Variants in BOLA3 observed in about 807,000 individuals in gnomAD.
The protein encoded by BOLA3 is bolA family member 3.
In BOLA3, 8 loss-of-function variants were observed where a neutral mutation model predicts 14.5. The observed-to-expected ratio is 0.55, with a 90% CI of 0.32 to 0.99. The LOEUF (loss-of-function observed/expected upper bound fraction) is 0.99. Ranked by LOEUF, BOLA3 falls within the 50% of genes least tolerant of loss-of-function variation. BOLA3 has a pLI of 0.04. For missense variants in BOLA3, 115 were observed against 138.2 expected (o/e 0.83, Z 0.84); for synonymous variants, 42 against 45.7 (o/e 0.92, Z 0.33).
intron 3 of BOLA3, among the ~76,000 whole-genome samples, chr2:74,141,070 G>T (rs1723292): frequency 0.37 from 55,793 of 151,726 alleles, 10,616 homozygotes; most frequent in Middle Eastern, 0.46. Context: ...AGTGCCACGG[G>T]TTGGGGATCA....
intron 2 of BOLA3, among the ~76,000 whole-genome samples, chr2:74,142,822 C>T (rs777625160): frequency 9.2e-5 from 14 of 152,176 alleles, no homozygotes; most frequent in Non-Finnish European, 1.5e-5. Context: ...AAGGAAAGAA[C>T]CAGGGGAGCA....
At chr2:74,136,123 T>C (rs956083339) in intron 3 of BOLA3, among the ~76,000 whole-genome samples, 3 of 152,058 alleles carry the variant, frequency 2.0e-5, no homozygotes, top group African/African-American at 7.2e-5. Context: ...CTAATTTTTT[T>C]ATTTTTTGTA....
At chr2:74,137,782 C>T (rs1024900066) in intron 3 of BOLA3, among the ~76,000 whole-genome samples, 2 of 152,182 alleles carry the variant, frequency 1.3e-5, no homozygotes, top group Admixed American at 6.5e-5. Context: ...TGCACACCCT[C>T]CAGCTCCACA....
intron 3 of BOLA3, among the ~76,000 whole-genome samples, chr2:74,136,464 AT>A (rs895701966): frequency 1.3e-5 from 2 of 152,048 alleles, no homozygotes; most frequent in African/African-American, 4.8e-5. Context: ...TTTTTTTGAA[AT>A]TTTTTTTAAA....
intron 1 of BOLA3, chr2:74,147,396 T>C (rs1692564852): frequency 4.0e-6 from 1 of 248,662 alleles, no homozygotes; most frequent in Non-Finnish European, 7.8e-6. Flanking sequence ...TAGTGTGGGA[T>C]TTGGAGGAGG....
At chr2:74,147,688 A>G in intron 1 of BOLA3, 133 bp downstream of exon 1, 1 of 771,478 alleles carries the variant, frequency 1.3e-6, no homozygotes, top group Non-Finnish European at 2.1e-6. Flanking sequence ...AGAGAAAGGA[A>G]GAGGAGCCCC....
intron 1 of BOLA3, chr2:74,147,200 A>G (rs1343677468): frequency 2.0e-5 from 3 of 153,066 alleles, no homozygotes; most frequent in Non-Finnish European, 4.4e-5. Flanking sequence ...ATCACTGTCC[A>G]CGCTGAAAGT....
chr2:74,142,239 C>T, intron 3 of BOLA3, 33 bp downstream of exon 3: 3 of 1,522,322 alleles, frequency 2.0e-6, no homozygotes, highest in East Asian at 2.2e-5. Context: ...AGGCTGAAGG[C>T]CAGTGGCAAG....
At chr2:74,140,509 G>T (rs1157395616) in intron 3 of BOLA3, among the ~76,000 whole-genome samples, 1 of 152,200 alleles carries the variant, frequency 6.6e-6, no homozygotes, top group Admixed American at 6.5e-5. Context: ...GCCCCGTCCT[G>T]CAGTAAGCCT....
chr2:74,141,152 A>C (rs371167436), intron 3 of BOLA3, among the ~76,000 whole-genome samples: 2 of 152,176 alleles, frequency 1.3e-5, no homozygotes, highest in African/African-American at 2.4e-5. Flanking sequence ...TGGGACTGCA[A>C]GAGTTTCCGG....
At chr2:74,147,795 G>T in intron 1 of BOLA3, 26 bp downstream of exon 1, 1 of 1,530,062 alleles carries the variant, frequency 6.5e-7, no homozygotes. Context: ...CCCGGGGAGA[G>T]CAGCCCCGAC....
At position 74,145,279 on chromosome 2, in the gene BOLA3, C is replaced by T; in HGVS notation, c.79G>A (p.Ala27Thr). 2.5e-6 allele frequency: 4 copies of T among 1,608,236 alleles called. No homozygotes were observed. The highest frequency in any genetic ancestry group is 2.6e-6 in the Non-Finnish European group (3 of 1,174,550). Residue 27 changes from alanine to threonine, a missense_variant, in exon 2 of 4, where the codon GCC (alanine) becomes ACC (threonine). By Grantham distance (58) the Ala-to-Thr change is moderately conservative. Transcript: ENST00000327428. Reference sequence around the variant, plus strand: ...CTGAGCTCCCCCTCAGTCTGAGTGGCAAACATCCGATGGTGAAGTGGAAGC... The same window carrying T: ...CTGAGCTCCCCCTCAGTCTGAGTGGTAAACATCCGATGGTGAAGTGGAAGC... ...RGLPLHHRMF[A>T]TQTEGELRVT...
chr2:74,140,053 G>C (rs924194771), intron 3 of BOLA3, among the ~76,000 whole-genome samples: 3 of 152,206 alleles, frequency 2.0e-5, no homozygotes, highest in African/African-American at 7.2e-5. Context: ...GGAGGCCGAG[G>C]CAGGTGGATC....
At chr2:74,135,733 T>A in intron 3 of BOLA3, 75 bp from the exon 4 acceptor site, 1 of 1,109,086 alleles carries the variant, frequency 9.0e-7, no homozygotes, top group Non-Finnish European at 1.4e-6. Flanking sequence ...AGTATTTTTA[T>A]ACAGCTCTGC....
intron 3 of BOLA3, among the ~76,000 whole-genome samples, chr2:74,138,932 C>T (rs564026127): frequency 3.4e-4 from 52 of 152,348 alleles, no homozygotes; most frequent in Admixed American, 3.1e-3. Context: ...CCTACTCTAC[C>T]CTTGCTGACA....
intron 1 of BOLA3, 178 bp from the exon 2 acceptor site, chr2:74,145,481 C>A: frequency 1.6e-6 from 1 of 630,932 alleles, no homozygotes; most frequent in Non-Finnish European, 2.9e-6. Context: ...GTAAGTGCCC[C>A]AAAACACAGA....
chr2:74,138,324 G>A lies in BOLA3; in HGVS notation c.259-2666C>T, dbSNP rs181942597. Among the ~76,000 whole-genome samples the A allele has an allele frequency of 6.1e-3, 925 of 152,366 alleles. 8 individuals carry two copies. Among genetic ancestry groups the A allele is most frequent in the Non-Finnish European group, 8.6e-3 (586 of 68,042 alleles). ...AGAGGAAAAGGCGTGGGAAAGTAAT[G>A]AAAGAGAAAGTAGCATTAAGTCCAA... On this transcript the variant is annotated intron_variant, in intron 3 of 3. Coordinates refer to ENST00000327428, the MANE Select transcript of BOLA3 (RefSeq NM_212552.3).
At chr2:74,144,837 C>T (rs1692514997) in intron 2 of BOLA3, among the ~76,000 whole-genome samples, 2 of 152,182 alleles carry the variant, frequency 1.3e-5, no homozygotes, top group African/African-American at 4.8e-5. Flanking sequence ...GCTCTGATAT[C>T]CTAGGGTGTC....
chr2:74,142,455 AATAT>A lies in BOLA3; in HGVS notation c.170-99_170-96del. ...AAGTACTGTACAATCCAAAGGTCTG[AATAT>A]TATCATTCAGCACAAAGGAAAGTTG... On this transcript the variant is annotated intron_variant, in intron 2 of 3. Coordinates refer to ENST00000327428, the MANE Select transcript of BOLA3 (RefSeq NM_212552.3). The A allele has an allele frequency of 6.3e-6, 6 of 959,952 alleles. No homozygotes were observed. In the Admixed American group the frequency reaches 1.0e-4, roughly 17 times the overall value. 59.5% of individuals were successfully genotyped at this position (959,952 alleles called of 1,614,324 possible). A position where few individuals can be genotyped will look rare whatever the true frequency, so the allele number is the denominator to read the frequency against.
Sources: allele counts gnomAD v4.1 joint callset (sites outside exome capture counted in the v4.1 genomes callset), GRCh38; gene constraint gnomAD v4.1.1; transcripts MANE v1.5; gene names NCBI Gene and HGNC (gene_info 2026-07-23, HGNC 2026-07-21).